Variants in HPS1 observed in about 807,000 individuals in gnomAD.
HPS1 encodes the protein HPS1 biogenesis of lysosomal organelles complex 3 subunit 1, also known as BLOC-3 complex member HPS1.
HPS1 carries 59 observed loss-of-function variants against 90.6 expected under a neutral mutation model. That is an observed-to-expected ratio of 0.65 (90% confidence interval 0.53 to 0.81). The LOEUF (loss-of-function observed/expected upper bound fraction) is 0.81. Among genes scored for constraint, HPS1 ranks in the 30% least tolerant of loss-of-function variants. HPS1 has a pLI of 0.00. For missense variants in HPS1, 849 were observed against 896.7 expected, an observed-to-expected ratio of 0.95 and a Z score of 0.68; for synonymous variants, 388 against 384.4, an observed-to-expected ratio of 1.01 and a Z score of -0.11.
downstream of HPS1, chr10:98,414,804 C>A (rs3750601): frequency 0.3 from 202,228 of 663,132 alleles, 34,392 homozygotes; most frequent in African/African-American, 0.53. Context: ...GGCCACACAG[C>A]AGAGCCAGCA....
In HPS1 at chr10:98,442,521, T is replaced by TA. The variant is rs1163809251; in HGVS notation, c.117+602_117+603insT. 3.3e-4 allele frequency: 48 copies of TA among 147,044 alleles called. No homozygotes were observed. In the South Asian group the frequency reaches 9.9e-3, roughly 30 times the overall value. 9.1% of individuals were successfully genotyped at this position (147,044 alleles called of 1,614,324 possible). A position where few individuals can be genotyped will look rare whatever the true frequency, so the allele number is the denominator to read the frequency against. ...TAACGTGTTCAGCTTACGTTAAACT[T>TA]TTTTTTTTTTTTTTTGCTCTGTCGC... On this transcript the variant is annotated intron_variant, in intron 3 of 19. Coordinates refer to ENST00000361490, the MANE Select transcript of HPS1 (RefSeq NM_000195.5).
At position 98,435,213 on chromosome 10, in the gene HPS1, T is replaced by C. The variant is rs1847131025; in HGVS notation, c.398+59A>G. The C allele has an allele frequency of 6.2e-7, 1 of 1,609,112 alleles. No individual in the cohort carries two copies. The highest frequency in any genetic ancestry group is 1.7e-5 in the Admixed American group (1 of 60,028). ...AGCTTCACAGGGGCTGGGCACACGCTGCCTGGCCCAGCGAGGGTGCTCGGC... is the reference window on the plus strand; with the variant it reads ...AGCTTCACAGGGGCTGGGCACACGCCGCCTGGCCCAGCGAGGGTGCTCGGC... On this transcript the variant is annotated intron_variant, in intron 5 of 19. Coordinates refer to ENST00000361490, the MANE Select transcript of HPS1 (RefSeq NM_000195.5). The surrounding 1 kb of genome is among the most constrained non-coding windows in gnomAD (Gnocchi z 4.3).
At chr10:98,430,079 C>T (rs1250582404) in intron 8 of HPS1, among the ~76,000 whole-genome samples, 190 bp from the exon 9 acceptor site, 4 of 152,178 alleles carry the variant, frequency 2.6e-5, no homozygotes, top group East Asian at 1.9e-4. Flanking sequence ...TGTGGAAATT[C>T]GAGAAATTCC....
chr10:98,434,704 A>T (rs1333798031), intron 5 of HPS1, among the ~76,000 whole-genome samples: 2 of 151,866 alleles, frequency 1.3e-5, no homozygotes, highest in African/African-American at 4.8e-5. Context: ...GATACTACGA[A>T]CTTCTCTTTT....
At position 98,446,851 on chromosome 10, in the gene HPS1, C is replaced by A. The variant is rs1939703115; in HGVS notation, c.-150G>T. 1.3e-5 allele frequency: 2 copies of A among 152,282 alleles called. No homozygotes were observed. Among genetic ancestry groups the A allele is most frequent in the South Asian group, 2.1e-4 (1 of 4,838 alleles). 9.4% of individuals were successfully genotyped at this position (152,282 alleles called of 1,614,324 possible). A position where few individuals can be genotyped will look rare whatever the true frequency, so the allele number is the denominator to read the frequency against. On this transcript the variant is annotated 5_prime_UTR_variant, in exon 1 of 20. Coordinates refer to ENST00000361490, the MANE Select transcript of HPS1 (RefSeq NM_000195.5). ...AAGGGGGGCTCCGGAGGGAGGATCG[C>A]CGCCCCCAGAGGGGACAGCCCGGAG...
intron 3 of HPS1, among the ~76,000 whole-genome samples, chr10:98,441,949 C>A (rs543918717): frequency 1.6e-4 from 24 of 152,354 alleles, no homozygotes; most frequent in Non-Finnish European, 3.4e-4. Context: ...CATACACCTA[C>A]ATGACCTAGC....
intron 7 of HPS1, 34 bp from the exon 8 acceptor site, chr10:98,430,704 C>T: frequency 6.6e-7 from 1 of 1,523,926 alleles, no homozygotes; most frequent in South Asian, 1.2e-5. Flanking sequence ...CCCATCAGCA[C>T]ATGCCCAGCA....
intron 13 of HPS1, among the ~76,000 whole-genome samples, chr10:98,424,785 A>G (rs1262632840): frequency 1.3e-5 from 2 of 149,714 alleles, no homozygotes; most frequent in Admixed American, 1.3e-4. Flanking sequence ...CGGGATCTCT[A>G]TAAAGCAGAA....
rs372380810 is a variant in HPS1, at chr10:98,423,590, G to A, written c.1598+13C>T. The stretch of plus-strand genomic sequence containing the variant: ...GGCTTGTTGGGCTGGCTGGGGCCCC[G>A]GCGTCAGGATATGACACCATGGTGA... On this transcript the variant is annotated intron_variant, in intron 16 of 19. Coordinates refer to ENST00000361490, the MANE Select transcript of HPS1 (RefSeq NM_000195.5). 1.4e-5 allele frequency: 22 copies of A among 1,613,468 alleles called. No individual in the cohort carries two copies. The highest frequency in any genetic ancestry group is 6.7e-5 in the African/African-American group (5 of 74,884).
At chr10:98,415,756 C>T (rs1472018705), downstream of HPS1, among the ~76,000 whole-genome samples, 1 of 144,050 alleles carries the variant, frequency 6.9e-6, no homozygotes, top group Non-Finnish European at 1.5e-5. Context: ...GGAGTCCTCT[C>T]CTAAATGCTC....
In HPS1 at chr10:98,420,127, T is replaced by C. The variant is rs1161131639; in HGVS notation, c.1775A>G (p.Tyr592Cys). 1 of 1,613,978 alleles carries C rather than the reference T, an allele frequency of 6.2e-7. No individual in the cohort carries two copies. The highest frequency in any genetic ancestry group is 8.5e-7 in the Non-Finnish European group (1 of 1,179,874). ...VWSLIQLARR[Y>C]LQKGYTTLLF... ...CAGCGTGGTGTAGCCCTTCTGCAGG[T>C]ATCTGCGCGCCAGCTGGATCAGAGA... is the stretch of plus-strand genomic sequence containing the variant. The change falls in exon 18 of 20, where the codon TAC becomes TGC. Residue 592 changes from tyrosine (Y) to cysteine (C), a missense_variant. Tyr to Cys is a radical substitution (Grantham distance 194). Coordinates refer to ENST00000361490, the MANE Select transcript of HPS1 (RefSeq NM_000195.5).
Position 98,435,942 on chromosome 10 carries a change from C to T in HPS1, c.118-170G>A, listed in dbSNP as rs564949915. Among the ~76,000 whole-genome samples the T allele has an allele frequency of 3.9e-5, 6 of 152,224 alleles. No individual in the cohort carries two copies. Among genetic ancestry groups the T allele is most frequent in the African/African-American group, 9.6e-5 (4 of 41,546 alleles). ...CAAAAAGAGACTGTCCCCAACACTT[C>T]GGGTGGTGGTTAGGAAGAATGGGGA... is the stretch of plus-strand genomic sequence containing the variant. On this transcript the variant is annotated intron_variant, in intron 3 of 19. Transcript: ENST00000361490. The surrounding 1 kb of genome is among the most constrained non-coding windows in gnomAD (Gnocchi z 4.3).
At chr10:98,432,520 T>C (rs539263178) in intron 6 of HPS1, among the ~76,000 whole-genome samples, 7 of 152,340 alleles carry the variant, frequency 4.6e-5, no homozygotes, top group Non-Finnish European at 7.3e-5. Context: ...TTCCAGCTCA[T>C]TAATTCTCCC....
At chr10:98,441,327 A>G (rs61873922) in intron 3 of HPS1, among the ~76,000 whole-genome samples, 19,563 of 152,248 alleles carry the variant, frequency 0.13, 1,525 homozygotes, top group South Asian at 0.22. Flanking sequence ...GGATGTCCAC[A>G]TGCAAAAAAA....
intron 13 of HPS1, among the ~76,000 whole-genome samples, chr10:98,424,911 A>G (rs963604640): frequency 2.5e-4 from 38 of 152,008 alleles, no homozygotes; most frequent in African/African-American, 8.9e-4. Context: ...TCCAGCCACA[A>G]TGGGTCCCAG....
downstream of HPS1, chr10:98,415,206 G>A (rs1320375756): frequency 1.0e-5 from 16 of 1,549,952 alleles, no homozygotes; most frequent in Admixed American, 1.8e-5. Context: ...CCCTAGGCAC[G>A]GGGTGGAGCA....
In HPS1 at chr10:98,418,276, G is replaced by C. The variant is rs1564825120; in HGVS notation, c.1858-19C>G. ...TGTACCCCTGAGGAGGGAGGACAGG[G>C]AGGCAGTGGGTGTGGGGGTAGTGCA... On this transcript the variant is annotated intron_variant, in intron 18 of 19. Coordinates refer to ENST00000361490, the MANE Select transcript of HPS1 (RefSeq NM_000195.5). 1 of 1,522,064 alleles carries C rather than the reference G, an allele frequency of 6.6e-7. No individual in the cohort carries two copies. The highest frequency in any genetic ancestry group is 1.7e-5 in the Admixed American group (1 of 58,592). The allele number at this position is 1,522,064 out of a possible 1,614,324, so 94.3% of individuals were successfully genotyped here. A position where few individuals can be genotyped will look rare whatever the true frequency, so the allele number is the denominator to read the frequency against.
At chr10:98,436,830 C>A (rs929894397) in intron 3 of HPS1, among the ~76,000 whole-genome samples, 3 of 152,202 alleles carry the variant, frequency 2.0e-5, no homozygotes, top group African/African-American at 7.2e-5. Context: ...AAGACCTTGC[C>A]TTGAAAAGAA....
intron 2 of HPS1, among the ~76,000 whole-genome samples, chr10:98,444,955 G>T (rs1035256816): frequency 5.9e-5 from 9 of 152,296 alleles, no homozygotes; most frequent in Admixed American, 5.9e-4. Context: ...CTGTGGTTGT[G>T]AGCGGAGAAG....
Sources: gnomAD v4.1 joint callset for allele counts (sites outside exome capture counted in the v4.1 genomes callset) on GRCh38, gnomAD v4.1.1 for gene constraint, Gnocchi (gnomAD v3.1) non-coding constraint, MANE v1.5 for transcripts, NCBI Gene and HGNC (gene_info 2026-07-23, HGNC 2026-07-21) for gene names.